TXNDC11: variants seen among roughly 807,000 people sequenced by gnomAD.
TXNDC11 encodes the protein thioredoxin domain-containing protein 11.
A neutral mutation model predicts 78.0 loss-of-function variants in TXNDC11; 68 were observed. That is an observed-to-expected ratio of 0.87 (90% CI 0.72 to 1.07). The LOEUF (loss-of-function observed/expected upper bound fraction) is 1.07. Among genes scored for constraint, TXNDC11 ranks in the 50% least tolerant of loss-of-function variants. The pLI, the probability that TXNDC11 is intolerant of heterozygous loss-of-function variation, is 0.00. For synonymous variants in TXNDC11, 571 were observed against 495.2 expected, an observed-to-expected ratio of 1.15 and a Z score of -2.03; for missense variants, 1,389 against 1,221.8, an observed-to-expected ratio of 1.14 and a Z score of -2.04.
chr16:11,737,908 G>A (rs887701815), intron 1 of TXNDC11, among the ~76,000 whole-genome samples: 4 of 146,012 alleles, frequency 2.7e-5, no homozygotes, highest in Non-Finnish European at 6.0e-5. Flanking sequence ...CAGACTGCCA[G>A]ACAGGATAAA....
In TXNDC11 at chr16:11,742,592, G is replaced by C; in HGVS notation, c.139C>G (p.Arg47Gly). Reference sequence around the variant, plus strand: ...GCGCCACGCAGCCCGCGACGGAGCCGGCCCGCCGAGGACGCTGTGGCCAGG... The same window carrying C: ...GCGCCACGCAGCCCGCGACGGAGCCCGCCCGCCGAGGACGCTGTGGCCAGG... ...PTLATASSAG[R>G]LRRGLRGAFL... Residue 47 changes from arginine (R) to glycine (G), a missense_variant, in exon 1 of 12, where the codon CGG (arginine) becomes GGG (glycine). Arg to Gly is a moderately radical substitution (Grantham distance 125, BLOSUM62 -2). Coordinates refer to ENST00000283033, the MANE Select transcript of TXNDC11 (RefSeq NM_015914.7). 2 of 1,457,322 alleles carry C rather than the reference G, an allele frequency of 1.4e-6. No homozygotes were observed. The highest frequency in any genetic ancestry group is 1.8e-6 in the Non-Finnish European group (2 of 1,110,776). 90.3% of individuals were successfully genotyped at this position (1,457,322 alleles called of 1,614,324 possible).
chr16:11,742,500 G>T lies in TXNDC11; in HGVS notation c.231C>A (p.Leu77=). 6.9e-7 allele frequency: 1 copy of T among 1,454,296 alleles called. No individual in the cohort carries two copies. Among genetic ancestry groups the T allele is most frequent in the East Asian group, 3.0e-5 (1 of 33,466 alleles). The allele number at this position is 1,454,296 out of a possible 1,614,324, so 90.1% of individuals were successfully genotyped here. A position where few individuals can be genotyped will look rare whatever the true frequency, so the allele number is the denominator to read the frequency against. ...ACCTGCAGGTGAACTTGAGGGCGAG[G>T]AGCAGCGCGCAGCCGAGCGCCACGG... ...CGAVALGCAL[L]LALKFTCSRA... Residue 77 remains leucine (L), a synonymous_variant, in exon 1 of 12, where the codon CTC becomes CTA. Coordinates refer to ENST00000283033, the MANE Select transcript of TXNDC11 (RefSeq NM_015914.7).
At chr16:11,737,034 C>T (rs191039851) in intron 1 of TXNDC11, among the ~76,000 whole-genome samples, 4 of 152,266 alleles carry the variant, frequency 2.6e-5, no homozygotes, top group Non-Finnish European at 5.9e-5. Flanking sequence ...ACTCACATAC[C>T]ACAAACCATT....
chr16:11,680,471 C>T (rs151014560), intron 11 of TXNDC11, among the ~76,000 whole-genome samples: 60 of 152,260 alleles, frequency 3.9e-4, no homozygotes, highest in Non-Finnish European at 6.0e-4. Context: ...CCTGAGAGCA[C>T]AGAATAAGGA....
intron 2 of TXNDC11, among the ~76,000 whole-genome samples, chr16:11,735,328 C>G (rs1201288346): frequency 6.6e-6 from 1 of 152,166 alleles, no homozygotes; most frequent in Non-Finnish European, 1.5e-5. Context: ...TGTGCACTTA[C>G]ATACTAAAAT....
At chr16:11,725,529 C>T (rs1193624796) in intron 4 of TXNDC11, among the ~76,000 whole-genome samples, 1 of 152,160 alleles carries the variant, frequency 6.6e-6, no homozygotes, top group Admixed American at 6.5e-5. Flanking sequence ...GAGGAAGGAA[C>T]ATGATAGACA....
rs1451360882 is a variant in TXNDC11, at chr16:11,736,170, T to C, written c.318A>G (p.Pro106=). The C allele has an allele frequency of 1.2e-6, 2 of 1,614,068 alleles. No homozygotes were observed. The highest frequency in any genetic ancestry group is 1.3e-5 in the African/African-American group (1 of 74,918). The change falls in exon 2 of 12, where the codon CCA becomes CCG. Residue 106 remains proline, a synonymous_variant. Coordinates refer to ENST00000283033, the MANE Select transcript of TXNDC11 (RefSeq NM_015914.7). Reference sequence around the variant, plus strand: ...GCTGCCCCTGGAAGAGGTCAAGGACTGGAGACCTCAAGGAGAAAAAGCTGA... The same window carrying C: ...GCTGCCCCTGGAAGAGGTCAAGGACCGGAGACCTCAAGGAGAAAAAGCTGA... ...PPVSFFSLRS[P]VLDLFQGQLD...
intron 10 of TXNDC11, among the ~76,000 whole-genome samples, 181 bp downstream of exon 10, chr16:11,687,676 T>C (rs1028378606): frequency 3.9e-5 from 6 of 152,342 alleles, no homozygotes; most frequent in East Asian, 3.9e-4. Flanking sequence ...TCAGAATTCA[T>C]GAGGAAAAGT....
intron 2 of TXNDC11, among the ~76,000 whole-genome samples, chr16:11,734,294 G>A (rs187781391): frequency 2.2e-4 from 34 of 152,278 alleles, no homozygotes; most frequent in African/African-American, 5.5e-4. Flanking sequence ...GACTTGGACC[G>A]TGTTTACCAA....
Position 11,742,640 on chromosome 16 carries a change from C to T in TXNDC11, c.91G>A (p.Asp31Asn), listed in dbSNP as rs1347156496. The T allele has an allele frequency of 1.4e-6, 2 of 1,459,778 alleles. No homozygotes were observed. The highest frequency in any genetic ancestry group is 3.0e-5 in the East Asian group (1 of 33,114). 90.4% of individuals were successfully genotyped at this position (1,459,778 alleles called of 1,614,324 possible). A position where few individuals can be genotyped will look rare whatever the true frequency, so the allele number is the denominator to read the frequency against. ...AGGGTCGGGCTCGAGCTGAGGCAGT[C>T]TGAGCCCGCGGGGCCGCCGCCGCCC... ...GGGGGGPAGS[D>N]CLSSSPTLAT... Residue 31 changes from aspartate (D) to asparagine (N), a missense_variant, in exon 1 of 12, where the codon GAC becomes AAC. Transcript: ENST00000283033.
At chr16:11,735,292 AT>A (rs2052186877) in intron 2 of TXNDC11, among the ~76,000 whole-genome samples, 1 of 152,198 alleles carries the variant, frequency 6.6e-6, no homozygotes, top group South Asian at 2.1e-4. Flanking sequence ...GTGATTCTAC[AT>A]AAAGGTATAT....
intron 1 of TXNDC11, among the ~76,000 whole-genome samples, chr16:11,739,958 C>T (rs955612999): frequency 5.9e-5 from 9 of 151,722 alleles, no homozygotes; most frequent in East Asian, 1.9e-4. Flanking sequence ...TTTGGGAGGC[C>T]GAAGTAGGAG....
chr16:11,692,555 G>A (rs1011960605), intron 7 of TXNDC11, among the ~76,000 whole-genome samples: 2 of 152,146 alleles, frequency 1.3e-5, no homozygotes, highest in Non-Finnish European at 1.5e-5. Context: ...AGGATGTTAA[G>A]ATCTTCGGTA....
At position 11,679,553 on chromosome 16, in the gene TXNDC11, T is replaced by C. The variant is rs542027568; in HGVS notation, c.2519A>G (p.Gln840Arg). Residue 840 changes from glutamine (Q) to arginine (R), a missense_variant, in exon 12 of 12, where the codon CAG becomes CGG. By Grantham distance (43) the Gln-to-Arg change is conservative (BLOSUM62 1). Transcript: ENST00000283033. The surrounding 1 kb of genome is among the most constrained non-coding windows in gnomAD (Gnocchi z 4.6). ...CTGCTCTTCCAGGGCCCGCTGCTGC[T>C]GCCGCAGCCGGTGCTCATCTCTGCG... Reference protein sequence around the residue: ...SARRDEHRLRQQQRALEEQHS... With the variant: ...SARRDEHRLRRQQRALEEQHS... 160 of 1,613,704 alleles carry C rather than the reference T, an allele frequency of 9.9e-5. No homozygotes were observed. The highest frequency in any genetic ancestry group is 2.5e-4 in the Admixed American group (15 of 60,018).
rs768571797 is a variant in TXNDC11, at chr16:11,736,236, A to G, written c.255-3T>C. 5.0e-6 allele frequency: 8 copies of G among 1,592,880 alleles called. No homozygotes were observed. The African/African-American group carries it at 6.7e-5, about 13-fold the overall frequency. On this transcript the variant is annotated splice_region_variant and splice_polypyrimidine_tract_variant and intron_variant, in intron 1 of 11. Transcript: ENST00000283033. ...GTATTATCACATCTTTTGCTCGACT[A>G]AAAAAGAGCAAACACAGAAAAGATT... is the stretch of plus-strand genomic sequence containing the variant.
chr16:11,691,129 C>G (rs1267111241), intron 8 of TXNDC11, 161 bp downstream of exon 8: 3 of 627,802 alleles, frequency 4.8e-6, no homozygotes. Context: ...ACAAAATTAG[C>G]TTCTTTGAAA....
At chr16:11,695,160 T>C (rs2050826219) in intron 7 of TXNDC11, among the ~76,000 whole-genome samples, 1 of 152,150 alleles carries the variant, frequency 6.6e-6, no homozygotes, top group African/African-American at 2.4e-5. Flanking sequence ...TAGAACTCTC[T>C]AGAGACACCA....
chr16:11,688,896 C>A (rs1274064352), intron 8 of TXNDC11, among the ~76,000 whole-genome samples: 1 of 152,088 alleles, frequency 6.6e-6, no homozygotes, highest in Non-Finnish European at 1.5e-5. Flanking sequence ...CAAGGAGCTA[C>A]AGTTTTTTGT....
chr16:11,726,349 G>A (rs901024867), intron 4 of TXNDC11, among the ~76,000 whole-genome samples: 23 of 152,066 alleles, frequency 1.5e-4, no homozygotes, highest in African/African-American at 4.1e-4. Flanking sequence ...TTGGGAGGCC[G>A]AGGCAGGCAG....
Sources: gnomAD v4.1 joint callset for allele counts (sites outside exome capture counted in the v4.1 genomes callset) on GRCh38, gnomAD v4.1.1 for gene constraint, Gnocchi (gnomAD v3.1) non-coding constraint, MANE v1.5 for transcripts, NCBI Gene and HGNC (gene_info 2026-07-23, HGNC 2026-07-21) for gene names.